The following NAPRT variants were observed in gnomAD, a reference collection of about 807,000 sequenced individuals.
The protein encoded by NAPRT is FHA-HIT-interacting protein.
In NAPRT, 66 loss-of-function variants were observed where a neutral mutation model predicts 60.7. The observed-to-expected ratio is 1.09, with a 90% CI of 0.89 to 1.33. The LOEUF is 1.33. Among genes scored for constraint, NAPRT ranks in the 40% most tolerant of loss-of-function variants. The pLI, the probability that NAPRT is intolerant of heterozygous loss-of-function variation, is 0.00. For missense variants in NAPRT, 818 were observed against 731.5 expected (o/e 1.12, Z -1.36); for synonymous variants, 405 against 335.7 (o/e 1.21, Z -2.26).
chr8:143,575,434 A>G lies in NAPRT; in HGVS notation c.1280T>C (p.Leu427Pro), dbSNP rs774760060. ...TGGGAGGGCCTCACCGTCAGAGCCCAGGAGCCGGAAAGCAGCCTTGCTCCC... is the reference window on the plus strand; with the variant it reads ...TGGGAGGGCCTCACCGTCAGAGCCCGGGAGCCGGAAAGCAGCCTTGCTCCC... Reference protein sequence around the residue: ...LPGSKAAFRLLGSDGSPLMDM... With the variant: ...LPGSKAAFRLPGSDGSPLMDM... The change falls in exon 10 of 13, where the codon CTG (leucine) becomes CCG (proline). Residue 427 changes from leucine (L) to proline (P), a missense_variant. Physicochemically the swap from Leu to Pro is moderately conservative, Grantham distance 98 (BLOSUM62 -3). Transcript: ENST00000449291. The G allele has an allele frequency of 1.0e-5, 16 of 1,591,004 alleles. No homozygotes were observed. The African/African-American group carries it at 1.5e-4, about 15-fold the overall frequency.
Position 143,576,239 on chromosome 8 carries a change from G to A in NAPRT, c.1023-77C>T, listed in dbSNP as rs1432863298. On this transcript the variant is annotated intron_variant, in intron 7 of 12. Transcript: ENST00000449291. ...TCACCCTGGTGTCCCCCTGCTCCCC[G>A]CCCCGCCTCAGTCAAGGACACCTGT... 7.7e-6 allele frequency: 11 copies of A among 1,431,976 alleles called. No homozygotes were observed. The African/African-American group carries it at 8.6e-5, about 11-fold the overall frequency. The allele number at this position is 1,431,976 out of a possible 1,614,324, so 88.7% of individuals were successfully genotyped here.
chr8:143,572,966 G>C (rs1015471694), downstream of NAPRT: 2 of 480,506 alleles, frequency 4.2e-6, no homozygotes, highest in South Asian at 3.8e-5. Context: ...CCAGGGCCCT[G>C]AGAACAGGAT....
Position 143,577,317 on chromosome 8 carries a change from G to A in NAPRT, c.520C>T (p.Gln174Ter). 1 of 1,604,618 alleles carries A rather than the reference G, an allele frequency of 6.2e-7. No individual in the cohort carries two copies. Among genetic ancestry groups the A allele is most frequent in the African/African-American group, 1.3e-5 (1 of 74,964 alleles). The stretch of plus-strand genomic sequence containing the variant: ...GCTGTCAGGCCCCCATCGGGGCCCT[G>A]AGCCCGCCTCAGGCCCATCTCTAGC... ...RLLEMGLRRA[Q>*]GPDGGLTAST... The change falls in exon 4 of 13, where the codon CAG becomes TAG. Residue 174 changes from glutamine to a stop codon, truncating the protein, a stop_gained. Transcript: ENST00000449291. LOFTEE classifies it high-confidence loss of function.
In NAPRT at chr8:143,578,092, CCGG is replaced by C; in HGVS notation, c.224_226del (p.Ala75del). The stretch of plus-strand genomic sequence containing the variant: ...GGCTCGTCGCGCGGACGGGGGACTA[CCGG>C]CGTCCCGCAGGCGGAAGGCGCGCAG... On this transcript the variant is annotated inframe_deletion and splice_region_variant, in exon 1 of 13. Coordinates refer to ENST00000449291, the MANE Select transcript of NAPRT (RefSeq NM_145201.6). 1 of 1,521,998 alleles carries C rather than the reference CCGG, an allele frequency of 6.6e-7. No individual in the cohort carries two copies. Among genetic ancestry groups the C allele is most frequent in the East Asian group, 2.4e-5 (1 of 41,722 alleles). The allele number at this position is 1,521,998 out of a possible 1,614,324, so 94.3% of individuals were successfully genotyped here.
At chr8:143,574,721 C>A, downstream of NAPRT, 1 of 1,280,160 alleles carries the variant, frequency 7.8e-7, no homozygotes, top group Non-Finnish European at 1.1e-6. Flanking sequence ...CCAGCCCAGC[C>A]GCAGCCCGGG....
Position 143,575,104 on chromosome 8 carries a change from GAGGTAA to G in NAPRT, c.1447-17_1447-12del. 3 of 1,535,322 alleles carry G rather than the reference GAGGTAA, an allele frequency of 2.0e-6. No individual in the cohort carries two copies. The highest frequency in any genetic ancestry group is 2.6e-6 in the Non-Finnish European group (3 of 1,136,954). ...GAGCGGCTCACACAGCTGCAGGGAG[GAGGTAA>G]GGAAAGAGAAGCTTGGGGCTAGCTC... On this transcript the variant is annotated splice_polypyrimidine_tract_variant and intron_variant, in intron 11 of 12. Coordinates refer to ENST00000449291, the MANE Select transcript of NAPRT (RefSeq NM_145201.6).
rs1209759192 is a variant in NAPRT, at chr8:143,578,123, A to G, written c.196T>C (p.Phe66Leu). 6.5e-7 allele frequency: 1 copy of G among 1,528,574 alleles called. No individual in the cohort carries two copies. Among genetic ancestry groups the G allele is most frequent in the Non-Finnish European group, 8.7e-7 (1 of 1,144,824 alleles). 94.7% of individuals were successfully genotyped at this position (1,528,574 alleles called of 1,614,324 possible). ...TCCCGCAGGCGGAAGGCGCGCAGGAAGCGCACACAGTCGCGCAAGCCGGCG... is the reference window on the plus strand; with the variant it reads ...TCCCGCAGGCGGAAGGCGCGCAGGAGGCGCACACAGTCGCGCAAGCCGGCG... ...LAAGLRDCVR[F>L]LRAFRLRDAD... The change falls in exon 1 of 13, where the codon TTC becomes CTC. Residue 66 changes from phenylalanine (F) to leucine (L), a missense_variant. Phe to Leu is a conservative substitution (Grantham distance 22). Coordinates refer to ENST00000449291, the MANE Select transcript of NAPRT (RefSeq NM_145201.6).
rs533948507 is a variant in NAPRT at position 143,576,285 on chromosome 8, C to T, written c.1023-123G>A. The T allele has an allele frequency of 5.1e-6, 7 of 1,371,324 alleles. No individual in the cohort carries two copies. The South Asian group carries it at 9.7e-5, about 19-fold the overall frequency. The allele number at this position is 1,371,324 out of a possible 1,614,324, so 84.9% of individuals were successfully genotyped here. A position where few individuals can be genotyped will look rare whatever the true frequency, so the allele number is the denominator to read the frequency against. On this transcript the variant is annotated intron_variant, in intron 7 of 12. Transcript: ENST00000449291. Reference sequence around the variant, plus strand: ...CCTGTGCTCACCTTCTGCTTGGGAGCTCCTAGGGAGCCCCACCACTTACTT... The same window carrying T: ...CCTGTGCTCACCTTCTGCTTGGGAGTTCCTAGGGAGCCCCACCACTTACTT...
rs1470106237 is a variant in NAPRT, at chr8:143,577,856, G to A, written c.314C>T (p.Thr105Met). Residue 105 changes from threonine to methionine, a missense_variant, in exon 2 of 13, where the codon ACG becomes ATG. Physicochemically the swap from Thr to Met is moderately conservative, Grantham distance 81. Coordinates refer to ENST00000449291, the MANE Select transcript of NAPRT (RefSeq NM_145201.6). ...GGAGCCCTCGGGCAGGGCTCGCACC[G>A]TCACCTCGGAGCAGTCGAGGGCCCG... ...HLRALDCSEV[T>M]VRALPEGSLA... 9.9e-6 allele frequency: 16 copies of A among 1,611,826 alleles called. No homozygotes were observed. Among genetic ancestry groups the A allele is most frequent in the African/African-American group, 4.0e-5 (3 of 74,918 alleles).
At chr8:143,577,770 GCCCAGCA>G (rs1180088816) in intron 2 of NAPRT, 31 bp from the exon 3 acceptor site, 1 of 1,568,838 alleles carries the variant, frequency 6.4e-7, no homozygotes, top group African/African-American at 1.4e-5. Flanking sequence ...TCCGCGCTCG[GCCCAGCA>G]CCCCGTGGCC....
chr8:143,573,141 C>T (rs1453923461), downstream of NAPRT, among the ~76,000 whole-genome samples: 1 of 152,114 alleles, frequency 6.6e-6, no homozygotes, highest in Non-Finnish European at 1.5e-5. Context: ...TGATTCAGCC[C>T]CCAAGCAGCA....
Position 143,574,920 on chromosome 8 carries a change from G to A in NAPRT, c.1555-20C>T. On this transcript the variant is annotated intron_variant, in intron 12 of 12. Transcript: ENST00000449291. ...CACCACCTGCAGGGAGCAGAGGACA[G>A]GAGCGGTGGGCAGGGTGAGGGCGGG... is the stretch of plus-strand genomic sequence containing the variant. The A allele has an allele frequency of 2.6e-6, 4 of 1,550,598 alleles. No individual in the cohort carries two copies. Among genetic ancestry groups the A allele is most frequent in the Non-Finnish European group, 3.5e-6 (4 of 1,146,992 alleles).
intron 11 of NAPRT, 25 bp downstream of exon 11, chr8:143,575,166 A>G: frequency 6.3e-7 from 1 of 1,594,650 alleles, no homozygotes; most frequent in African/African-American, 1.3e-5. Flanking sequence ...GCTGGGGGTC[A>G]GGATGAGGGC....
At chr8:143,576,346 C>T (rs1824452631) in intron 7 of NAPRT, 86 bp downstream of exon 7, 1 of 1,516,032 alleles carries the variant, frequency 6.6e-7, no homozygotes, top group South Asian at 1.3e-5. Context: ...GCTGAAACTT[C>T]AGCAGAGTAC....
rs1563933733 is a variant in NAPRT, at chr8:143,577,157, C to CGTT, written c.586_588dup (p.Asn196dup). On this transcript the variant is annotated inframe_insertion, in exon 5 of 13. Coordinates refer to ENST00000449291, the MANE Select transcript of NAPRT (RefSeq NM_145201.6). ...ACACCTCGCAGCTGGCCCGCTAGCACGTTGCTGCTGCTGTCGAAGCCTGGG... is the reference window on the plus strand; with the variant it reads ...ACACCTCGCAGCTGGCCCGCTAGCACGTTGTTGCTGCTGCTGTCGAAGCCTGGG... 6.2e-7 allele frequency: 1 copy of CGTT among 1,612,566 alleles called. No homozygotes were observed. Among genetic ancestry groups the CGTT allele is most frequent in the South Asian group, 1.1e-5 (1 of 91,070 alleles).
chr8:143,575,450 C>T lies in NAPRT; in HGVS notation c.1264G>A (p.Ala422Thr), dbSNP rs568720796. The T allele has an allele frequency of 1.6e-5, 25 of 1,593,922 alleles. No individual in the cohort carries two copies. The highest frequency in any genetic ancestry group is 6.7e-5 in the Admixed American group (4 of 59,714). ...PEKQTLPGSK[A>T]AFRLLGSDGS... ...TCAGAGCCCAGGAGCCGGAAAGCAG[C>T]CTTGCTCCCAGGCAACGTCTGCTTC... Residue 422 changes from alanine to threonine, a missense_variant, in exon 10 of 13, where the codon GCT becomes ACT. Coordinates refer to ENST00000449291, the MANE Select transcript of NAPRT (RefSeq NM_145201.6).
chr8:143,578,144 C>T lies in NAPRT; in HGVS notation c.175G>A (p.Gly59Ser). ...PFGGAFALAA[G>S]LRDCVRFLRA... Reference sequence around the variant, plus strand: ...AGGAAGCGCACACAGTCGCGCAAGCCGGCGGCCAAGGCGAAGGCGCCGCCG... The same window carrying T: ...AGGAAGCGCACACAGTCGCGCAAGCTGGCGGCCAAGGCGAAGGCGCCGCCG... Residue 59 changes from glycine (G) to serine (S), a missense_variant, in exon 1 of 13, where the codon GGC (glycine) becomes AGC (serine). By Grantham distance (56) the Gly-to-Ser change is moderately conservative. Coordinates refer to ENST00000449291, the MANE Select transcript of NAPRT (RefSeq NM_145201.6). 2.6e-6 allele frequency: 4 copies of T among 1,523,348 alleles called. No homozygotes were observed. The highest frequency in any genetic ancestry group is 1.2e-5 in the South Asian group (1 of 83,160). 94.4% of individuals were successfully genotyped at this position (1,523,348 alleles called of 1,614,324 possible).
Position 143,575,488 on chromosome 8 carries a change from G to A in NAPRT, c.1226C>T (p.Thr409Ile), listed in dbSNP as rs144545750. Residue 409 changes from threonine to isoleucine, a missense_variant, in exon 10 of 13, where the codon ACC becomes ATC. By Grantham distance (89) the Thr-to-Ile change is moderately conservative. Coordinates refer to ENST00000449291, the MANE Select transcript of NAPRT (RefSeq NM_145201.6). Reference protein sequence around the residue: ...AVGGQPRMKLTEDPEKQTLPG... With the variant: ...AVGGQPRMKLIEDPEKQTLPG... ...CAACGTCTGCTTCTCGGGGTCCTCG[G>A]TCAGCTTCATTCGTGGCTGGCCCCC... The A allele has an allele frequency of 5.2e-5, 83 of 1,600,100 alleles. No individual in the cohort carries two copies. The highest frequency in any genetic ancestry group is 6.8e-5 in the Non-Finnish European group (79 of 1,169,314).
rs1195261181 is a variant in NAPRT, at chr8:143,574,902, T to A, written c.1555-2A>T. On this transcript the variant is annotated splice_acceptor_variant, in intron 12 of 12. Transcript: ENST00000449291. LOFTEE classifies it high-confidence loss of function. ...CTGCAGCCTCTCGGACAGCACCACC[T>A]GCAGGGAGCAGAGGACAGGAGCGGT... 3 of 1,550,448 alleles carry A rather than the reference T, an allele frequency of 1.9e-6. No homozygotes were observed. The African/African-American group carries it at 4.1e-5, about 21-fold the overall frequency.
Sources: gnomAD v4.1 joint callset for allele counts (sites outside exome capture counted in the v4.1 genomes callset) on GRCh38, gnomAD v4.1.1 for gene constraint, MANE v1.5 for transcripts, NCBI Gene and HGNC (gene_info 2026-07-23, HGNC 2026-07-21) for gene names.